CCDC141: variants seen among roughly 807,000 people sequenced by gnomAD.
The protein encoded by CCDC141 is coiled-coil domain-containing protein 141.
CCDC141 carries 168 observed loss-of-function variants against 181.0 expected under a neutral mutation model. That is an observed-to-expected ratio of 0.93 (90% CI 0.82 to 1.05). The LOEUF is 1.05. Among genes scored for constraint, CCDC141 ranks in the 50% least tolerant of loss-of-function variants. The pLI, the probability that CCDC141 is intolerant of heterozygous loss-of-function variation, is 0.00. For missense variants in CCDC141, 1,902 were observed against 1,788.5 expected (o/e 1.06, Z -1.14); for synonymous variants, 666 against 642.3 (o/e 1.04, Z -0.56).
In CCDC141 at chr2:178,853,487, T is replaced by C. The variant is rs777571122; in HGVS notation, c.3198A>G (p.Gln1066=). ...NKFIAPSVPQ[Q]EERIQEATDL... Reference sequence around the variant, plus strand: ...CAGTGGCCTCCTGAATCCTTTCTTCTTGCTGCGGCACTGAGGGTGCAATAA... The same window carrying C: ...CAGTGGCCTCCTGAATCCTTTCTTCCTGCTGCGGCACTGAGGGTGCAATAA... The change falls in exon 20 of 24, where the codon CAA becomes CAG. Residue 1066 remains glutamine, a synonymous_variant. Coordinates refer to ENST00000443758, the MANE Select transcript of CCDC141 (RefSeq NM_173648.4). 28 of 1,614,068 alleles carry C rather than the reference T, an allele frequency of 1.7e-5. No homozygotes were observed. Among genetic ancestry groups the C allele is most frequent in the Non-Finnish European group, 2.3e-5 (27 of 1,180,010 alleles).
chr2:178,986,759 AG>A (rs1304429474), intron 2 of CCDC141, among the ~76,000 whole-genome samples: 5 of 152,008 alleles, frequency 3.3e-5, no homozygotes, highest in African/African-American at 1.2e-4. Flanking sequence ...CCAACGTACA[AG>A]GGATGTGAAG....
chr2:178,974,840 T>A (rs943754105), intron 4 of CCDC141, among the ~76,000 whole-genome samples: 1 of 152,110 alleles, frequency 6.6e-6, no homozygotes, highest in Non-Finnish European at 1.5e-5. Flanking sequence ...AATAACAGAA[T>A]CTCCTGGAGG....
intron 7 of CCDC141, among the ~76,000 whole-genome samples, chr2:178,909,365 A>C (rs755822088): frequency 5.9e-5 from 9 of 152,352 alleles, no homozygotes; most frequent in Non-Finnish European, 1.3e-4. Context: ...ACAGCAGTAG[A>C]AAGGAGGTAA....
intron 2 of CCDC141, among the ~76,000 whole-genome samples, chr2:179,041,053 C>T (rs1028160605): frequency 2.7e-5 from 4 of 149,500 alleles, no homozygotes; most frequent in Non-Finnish European, 5.9e-5. Flanking sequence ...CCAGCTTCTG[C>T]TGTTGTTTTG....
chr2:178,839,581 C>CA lies in CCDC141; in HGVS notation c.3475-1838dup, dbSNP rs58096328. Among the ~76,000 whole-genome samples the CA allele has an allele frequency of 9.4e-3, 560 of 59,498 alleles. 55 individuals are homozygous for CA. Among genetic ancestry groups the CA allele is most frequent in the African/African-American group, 0.03 (413 of 13,886 alleles). 39.0% of individuals were successfully genotyped at this position (59,498 alleles called of 152,430 possible). ...GGCAACAAGAGTGAAACTTCGTCTC[C>CA]AAAAAAAAAAAAAAAAAAAAAAAAA... is the stretch of plus-strand genomic sequence containing the variant. On this transcript the variant is annotated intron_variant, in intron 22 of 23. Coordinates refer to ENST00000443758, the MANE Select transcript of CCDC141 (RefSeq NM_173648.4).
At chr2:178,860,501 C>A (rs1235676866) in intron 17 of CCDC141, among the ~76,000 whole-genome samples, 2 of 147,912 alleles carry the variant, frequency 1.4e-5, no homozygotes, top group Non-Finnish European at 3.0e-5. Flanking sequence ...CCATTGCACT[C>A]CAGCCAGGGC....
At chr2:178,988,755 C>T (rs1272835564) in intron 2 of CCDC141, among the ~76,000 whole-genome samples, 2 of 152,052 alleles carry the variant, frequency 1.3e-5, no homozygotes, top group African/African-American at 4.8e-5. Context: ...AACTTCAAAA[C>T]TTACTACAAA....
At chr2:179,046,265 T>C (rs2043493860) in intron 2 of CCDC141, among the ~76,000 whole-genome samples, 1 of 152,262 alleles carries the variant, frequency 6.6e-6, no homozygotes, top group Non-Finnish European at 1.5e-5. Context: ...CAGAGGTTCC[T>C]CAGAATGGAA....
intron 13 of CCDC141, 22 bp downstream of exon 13, chr2:178,872,111 A>G: frequency 1.2e-6 from 2 of 1,601,908 alleles, no homozygotes; most frequent in Non-Finnish European, 1.7e-6. Flanking sequence ...TCCTTTTCAC[A>G]TCCCATTGTT....
chr2:178,822,499 A>T, the CCDC141 span, among the ~76,000 whole-genome samples: 2 of 152,046 alleles, frequency 1.3e-5, no homozygotes, highest in Non-Finnish European at 2.9e-5. Flanking sequence ...AATACAGAAT[A>T]CTCCAATTCT....
chr2:178,940,687 C>T (rs1275706677), intron 6 of CCDC141, among the ~76,000 whole-genome samples: 3 of 152,292 alleles, frequency 2.0e-5, no homozygotes, highest in Admixed American at 2.0e-4. Context: ...AAGGATGCTT[C>T]TTCTTCACAA....
At chr2:178,920,267 CTAT>C (rs1000606284) in intron 6 of CCDC141, among the ~76,000 whole-genome samples, 4 of 152,130 alleles carry the variant, frequency 2.6e-5, no homozygotes, top group African/African-American at 4.8e-5. Flanking sequence ...ACAAAGTATC[CTAT>C]TATTAAGTTA....
Position 178,885,011 on chromosome 2 carries a change from A to G in CCDC141, c.1609T>C (p.Ser537Pro). The G allele has an allele frequency of 1.3e-6, 2 of 1,550,448 alleles. No homozygotes were observed. Among genetic ancestry groups the G allele is most frequent in the Non-Finnish European group, 1.7e-6 (2 of 1,146,846 alleles). The change falls in exon 11 of 24, where the codon TCC becomes CCC. Residue 537 changes from serine to proline, a missense_variant. Coordinates refer to ENST00000443758, the MANE Select transcript of CCDC141 (RefSeq NM_173648.4). ...TCTGCTAGCCATCTAGCTTTAGAGG[A>G]AAGTGATACCATTTCATCAGATACA... ...EFVSDEMVSL[S>P]SKARWLAEEL...
intron 6 of CCDC141, among the ~76,000 whole-genome samples, chr2:178,930,584 G>C (rs1006288280): frequency 1.3e-5 from 2 of 152,138 alleles, no homozygotes; most frequent in African/African-American, 2.4e-5. Flanking sequence ...AATCAAAGCA[G>C]TGTGTCAAAC....
At chr2:179,008,192 G>A (rs1354308275) in intron 2 of CCDC141, among the ~76,000 whole-genome samples, 1 of 152,034 alleles carries the variant, frequency 6.6e-6, no homozygotes, top group African/African-American at 2.4e-5. Context: ...AGAGTATTTT[G>A]GTCAAACAAA....
At chr2:178,939,569 T>C (rs1234963752) in intron 6 of CCDC141, among the ~76,000 whole-genome samples, 2 of 152,094 alleles carry the variant, frequency 1.3e-5, no homozygotes, top group East Asian at 1.9e-4. Context: ...CCCATGGAAA[T>C]CTAATCAGAT....
At chr2:178,935,694 C>T (rs887562111) in intron 6 of CCDC141, among the ~76,000 whole-genome samples, 20 of 151,660 alleles carry the variant, frequency 1.3e-4, no homozygotes, top group African/African-American at 4.8e-4. Flanking sequence ...TAAGGAGTCT[C>T]CATACTGTGA....
chr2:178,927,760 A>C (rs1452775866), intron 6 of CCDC141, among the ~76,000 whole-genome samples: 1 of 152,164 alleles, frequency 6.6e-6, no homozygotes, highest in Non-Finnish European at 1.5e-5. Context: ...TAAAGTGAAT[A>C]GGAGATAGAA....
At chr2:179,037,885 T>C (rs984578117) in intron 2 of CCDC141, among the ~76,000 whole-genome samples, 1 of 152,158 alleles carries the variant, frequency 6.6e-6, no homozygotes, top group East Asian at 1.9e-4. Flanking sequence ...CGTGGACCAA[T>C]CGGAACACAT....
Sources: allele counts gnomAD v4.1 joint callset (sites outside exome capture counted in the v4.1 genomes callset), GRCh38; gene constraint gnomAD v4.1.1; transcripts MANE v1.5; gene names NCBI Gene and HGNC (gene_info 2026-07-23, HGNC 2026-07-21).